EFHD2: variants seen among roughly 807,000 people sequenced by gnomAD.
EFHD2 encodes EF-hand domain-containing protein D2.
EFHD2 carries 12 observed loss-of-function variants against 20.3 expected under a neutral mutation model. The observed-to-expected ratio is 0.59, with a 90% CI of 0.38 to 0.96. The LOEUF (loss-of-function observed/expected upper bound fraction) is 0.96. Among genes scored for constraint, EFHD2 ranks in the 40% least tolerant of loss-of-function variants. The pLI, the probability that EFHD2 is intolerant of heterozygous loss-of-function variation, is 0.00. For missense variants in EFHD2, 250 were observed against 334.3 expected (o/e 0.75, Z 1.97); for synonymous variants, 131 against 143.9 (o/e 0.91, Z 0.64).
chr1:15,427,781 G>C, intron 3 of EFHD2: 2 of 389,466 alleles, frequency 5.1e-6, no homozygotes, highest in South Asian at 2.0e-5. Flanking sequence ...CCCACCCGGG[G>C]CCCCAGCTCT....
At chr1:15,419,758 G>A (rs1707757110) in intron 1 of EFHD2, among the ~76,000 whole-genome samples, 1 of 152,228 alleles carries the variant, frequency 6.6e-6, no homozygotes, top group African/African-American at 2.4e-5. Context: ...GTGGGTGAGA[G>A]GCCCTCTAGC....
chr1:15,420,370 C>T (rs146044986), intron 1 of EFHD2, among the ~76,000 whole-genome samples: 1 of 152,136 alleles, frequency 6.6e-6, no homozygotes, highest in South Asian at 2.1e-4. Context: ...TAAACAAGGT[C>T]TCACTCTGTT....
chr1:15,427,110 C>A, intron 2 of EFHD2, 40 bp from the exon 3 acceptor site: 1 of 1,601,384 alleles, frequency 6.2e-7, no homozygotes, highest in Non-Finnish European at 8.5e-7. Context: ...CCCCTCCTTC[C>A]CTCCCTTCCT....
rs764596022 is a variant in EFHD2 at position 15,425,871 on chromosome 1, G to A, written c.309G>A (p.Gln103=). The A allele has an allele frequency of 6.2e-7, 1 of 1,604,904 alleles. No individual in the cohort carries two copies. Among genetic ancestry groups the A allele is most frequent in the Non-Finnish European group, 8.5e-7 (1 of 1,176,550 alleles). Residue 103 remains glutamine (Q), a splice_region_variant and synonymous_variant, in exon 2 of 4, where the codon CAG becomes CAA. Transcript: ENST00000375980. ...QIKDMEKMFK[Q]YDAGRDGFID... The stretch of plus-strand genomic sequence containing the variant: ...ATGTCCTCTCTTTTTGCATCTGCAG[G>A]TATGATGCCGGGCGGGACGGCTTCA...
At position 15,426,673 on chromosome 1, in the gene EFHD2, G is replaced by A. The variant is rs1351806020; in HGVS notation, c.457-477G>A. On this transcript the variant is annotated intron_variant, in intron 2 of 3. Coordinates refer to ENST00000375980, the MANE Select transcript of EFHD2 (RefSeq NM_024329.6). The surrounding 1 kb of genome is among the most constrained non-coding windows in gnomAD (Gnocchi z 4.6). The stretch of plus-strand genomic sequence containing the variant: ...GGTGGGGGAGTGCGAGTGGCTGGGC[G>A]GGAGGTGTGGGCAGTGCAGGGTAAC... Among the ~76,000 whole-genome samples the A allele has an allele frequency of 2.0e-5, 3 of 152,238 alleles. No individual in the cohort carries two copies. Among genetic ancestry groups the A allele is most frequent in the Non-Finnish European group, 2.9e-5 (2 of 68,010 alleles).
At position 15,428,847 on chromosome 1, in the gene EFHD2, CTG is replaced by C. The variant is rs1449731846; in HGVS notation, c.*126_*127del. 2.1e-6 allele frequency: 3 copies of C among 1,421,374 alleles called. No homozygotes were observed. Among genetic ancestry groups the C allele is most frequent in the East Asian group, 5.0e-5 (2 of 39,806 alleles). 88.0% of individuals were successfully genotyped at this position (1,421,374 alleles called of 1,614,324 possible). The stretch of plus-strand genomic sequence containing the variant: ...ACCACTACTAAAAACCTAAAAATAT[CTG>C]TGAATGGAGCAAGTTCAGGGGTCTT... On this transcript the variant is annotated 3_prime_UTR_variant, in exon 4 of 4. Coordinates refer to ENST00000375980, the MANE Select transcript of EFHD2 (RefSeq NM_024329.6).
At chr1:15,425,242 C>T (rs1707855285) in intron 1 of EFHD2, among the ~76,000 whole-genome samples, 1 of 152,070 alleles carries the variant, frequency 6.6e-6, no homozygotes. Flanking sequence ...AATTCCTTCT[C>T]GGCCAGGCAC....
At chr1:15,418,299 CTTTTTTTTTTT>C (rs764390342) in intron 1 of EFHD2, among the ~76,000 whole-genome samples, 1 of 76,874 alleles carries the variant, frequency 1.3e-5, no homozygotes, top group Non-Finnish European at 2.3e-5. Context: ...CGAGGAGCAA[CTTTTTTTTTTT>C]TTTTTTTTTT....
At chr1:15,427,102 C>T (rs1393933299) in intron 2 of EFHD2, 48 bp from the exon 3 acceptor site, 3 of 1,595,902 alleles carry the variant, frequency 1.9e-6, no homozygotes, top group South Asian at 2.3e-5. Flanking sequence ...CTCCGGCTCC[C>T]CTCCTTCCCT....
chr1:15,418,481 A>G (rs1707723678), intron 1 of EFHD2, among the ~76,000 whole-genome samples: 2 of 149,378 alleles, frequency 1.3e-5, no homozygotes, highest in Non-Finnish European at 3.0e-5. Flanking sequence ...AATTTTTTGT[A>G]TTTTTAGTAG....
chr1:15,427,043 C>T (rs1243814965), intron 2 of EFHD2, 107 bp from the exon 3 acceptor site: 1 of 1,453,022 alleles, frequency 6.9e-7, no homozygotes, highest in Non-Finnish European at 9.3e-7. Flanking sequence ...GCCCCCCAGT[C>T]CTTCTCTGCA....
intron 1 of EFHD2, among the ~76,000 whole-genome samples, chr1:15,418,367 G>A (rs1290228658): frequency 3.8e-5 from 5 of 132,742 alleles, no homozygotes; most frequent in East Asian, 2.3e-4. Flanking sequence ...GTGCAGTGGC[G>A]CGATCTCGGC....
intron 1 of EFHD2, among the ~76,000 whole-genome samples, chr1:15,416,202 C>G (rs553167425): frequency 4.6e-5 from 7 of 152,266 alleles, no homozygotes; most frequent in African/African-American, 1.7e-4. Flanking sequence ...CTTCCTCGCT[C>G]TCCTCCATGC....
chr1:15,421,623 G>A (rs1225204031), intron 1 of EFHD2, among the ~76,000 whole-genome samples: 1 of 152,206 alleles, frequency 6.6e-6, no homozygotes, highest in Non-Finnish European at 1.5e-5. Context: ...GGGATCCACA[G>A]CCCACGTTTC....
intron 1 of EFHD2, among the ~76,000 whole-genome samples, chr1:15,415,505 T>TG (rs998992519): frequency 1.3e-4 from 19 of 151,788 alleles, no homozygotes; most frequent in African/African-American, 4.4e-4. Flanking sequence ...TTTTTTTTTT[T>TG]TGAGATGGAG....
In EFHD2 at chr1:15,422,633, G is replaced by A. The variant is rs374433502; in HGVS notation, c.309-3238G>A. Among the ~76,000 whole-genome samples the A allele has an allele frequency of 7.2e-5, 11 of 151,954 alleles. No homozygotes were observed. In the South Asian group the frequency reaches 8.3e-4, roughly 11 times the overall value. On this transcript the variant is annotated intron_variant, in intron 1 of 3. Coordinates refer to ENST00000375980, the MANE Select transcript of EFHD2 (RefSeq NM_024329.6). ...TCTCAGCACTTTGGGAGGCCGAGGC[G>A]GACGGATCATGAGGTCAGGAGATCG...
chr1:15,419,185 C>G (rs1370076591), intron 1 of EFHD2, among the ~76,000 whole-genome samples: 1 of 152,200 alleles, frequency 6.6e-6, no homozygotes, highest in Non-Finnish European at 1.5e-5. Flanking sequence ...ATGCTCACCC[C>G]AAAGGGAAAG....
chr1:15,413,328 G>A lies in EFHD2; in HGVS notation c.308+3049G>A, dbSNP rs1707578921. On this transcript the variant is annotated intron_variant, in intron 1 of 3. Coordinates refer to ENST00000375980, the MANE Select transcript of EFHD2 (RefSeq NM_024329.6). This position sits in a 1 kb window ranked among gnomAD's most constrained non-coding sequence, Gnocchi z 4.4. ...TTGGGGGCCAGGAGCGAGGAACCTG[G>A]GCTTCCATCCTAGTCTGCTTGTCCT... Among the ~76,000 whole-genome samples, 1 of 152,110 alleles carries A rather than the reference G, an allele frequency of 6.6e-6. No homozygotes were observed. Among genetic ancestry groups the A allele is most frequent in the Non-Finnish European group, 1.5e-5 (1 of 67,998 alleles).
intron 3 of EFHD2, among the ~76,000 whole-genome samples, chr1:15,427,518 G>A (rs544384860): frequency 1.3e-5 from 2 of 152,310 alleles, no homozygotes; most frequent in East Asian, 1.9e-4. Flanking sequence ...CTCTTGAAAA[G>A]GGGACAGGGA....
Sources: gnomAD v4.1 joint callset for allele counts (sites outside exome capture counted in the v4.1 genomes callset) on GRCh38, gnomAD v4.1.1 for gene constraint, Gnocchi (gnomAD v3.1) non-coding constraint, MANE v1.5 for transcripts, NCBI Gene and HGNC (gene_info 2026-07-23, HGNC 2026-07-21) for gene names.